UMODL1: variants seen among roughly 807,000 people sequenced by gnomAD.
UMODL1 encodes the protein uromodulin like 1.
Under a neutral mutation model 136.3 loss-of-function variants are expected in UMODL1, and 128 were observed. The observed-to-expected ratio is 0.94, with a 90% CI of 0.81 to 1.09. The LOEUF (loss-of-function observed/expected upper bound fraction) is 1.09. Among genes scored for constraint, UMODL1 ranks in the 50% least tolerant of loss-of-function variants. The pLI, the probability that UMODL1 is intolerant of heterozygous loss-of-function variation, is 0.00. For synonymous variants in UMODL1, 721 were observed against 720.0 expected (o/e 1.00, Z -0.02); for missense variants, 1,766 against 1,725.6 (o/e 1.02, Z -0.41).
At position 42,109,581 on chromosome 21, in the gene UMODL1, C is replaced by T. The variant is rs2066785822; in HGVS notation, c.1539C>T (p.Asp513=). 7 of 1,611,634 alleles carry T rather than the reference C, an allele frequency of 4.3e-6. No homozygotes were observed. Among genetic ancestry groups the T allele is most frequent in the Middle Eastern group, 1.6e-4 (1 of 6,062 alleles). ...TGGCAGACTGGGACGAGTGTGTGGA[C>T]AGCGCGGAACACGACTGCTCACCGG... ...TRVQDWDECV[D]SAEHDCSPAA... The change falls in exon 10 of 23, where the codon GAC becomes GAT. Residue 513 remains aspartate, a synonymous_variant. Transcript: ENST00000408910.
intron 1 of UMODL1, among the ~76,000 whole-genome samples, chr21:42,065,411 C>T (rs577849685): frequency 2.0e-5 from 3 of 152,288 alleles, no homozygotes; most frequent in South Asian, 4.1e-4. Context: ...TGGTCTGACC[C>T]GTCCTAAGAG....
At chr21:42,094,520 A>C (rs980484087) in intron 6 of UMODL1, among the ~76,000 whole-genome samples, 1 of 152,182 alleles carries the variant, frequency 6.6e-6, no homozygotes, top group African/African-American at 2.4e-5. Context: ...GCCTTGGGTC[A>C]TACAAACCCA....
chr21:42,087,744 G>A (rs1192181914), intron 4 of UMODL1, among the ~76,000 whole-genome samples: 1 of 152,140 alleles, frequency 6.6e-6, no homozygotes, highest in Non-Finnish European at 1.5e-5. Context: ...ACCACAGACT[G>A]GGGGCTTCAA....
In UMODL1 at chr21:42,123,286, T is replaced by C; in HGVS notation, c.3147+136T>C. ...CCAGCAAGGGGGGTTCAGGACAGGG[T>C]TGAGTTCTCAACCAGGGACCAGCCT... On this transcript the variant is annotated intron_variant, in intron 17 of 22. Transcript: ENST00000408910. The surrounding 1 kb of genome is among the most constrained non-coding windows in gnomAD (Gnocchi z 4.4). 2 of 1,060,800 alleles carry C rather than the reference T, an allele frequency of 1.9e-6. No homozygotes were observed. The highest frequency in any genetic ancestry group is 2.6e-6 in the Non-Finnish European group (2 of 756,540). The allele number at this position is 1,060,800 out of a possible 1,614,324, so 65.7% of individuals were successfully genotyped here.
At chr21:42,076,392 T>C (rs2066292127) in intron 2 of UMODL1, 145 bp downstream of exon 2, 22 of 1,316,972 alleles carry the variant, frequency 1.7e-5, no homozygotes, top group Middle Eastern at 2.6e-4. Flanking sequence ...CAGCAGGTCA[T>C]CGGCAGGGCT....
intron 8 of UMODL1, 180 bp from the exon 9 acceptor site, chr21:42,103,688 C>G: frequency 2.6e-6 from 2 of 769,704 alleles, no homozygotes; most frequent in Non-Finnish European, 4.6e-6. Flanking sequence ...CAGGGAAAGC[C>G]CAGCTAAGGT....
In UMODL1 at chr21:42,065,662, C is replaced by T. The variant is rs566534997; in HGVS notation, c.-141+2448C>T. ...AAGCGATTCTCCTGCCTCAGCCTCC[C>T]GAGTAGCTGGGATTACAGGCATGCA... On this transcript the variant is annotated intron_variant, in intron 1 of 22. Transcript: ENST00000400424. Among the ~76,000 whole-genome samples, 15 of 152,196 alleles carry T rather than the reference C, an allele frequency of 9.9e-5. No individual in the cohort carries two copies. The East Asian group carries it at 1.2e-3, about 12-fold the overall frequency.
chr21:42,071,270 C>A (rs1396193530), upstream of UMODL1: 4 of 1,471,156 alleles, frequency 2.7e-6, no homozygotes, highest in Non-Finnish European at 3.6e-6. Flanking sequence ...GAGACCCAGG[C>A]TTCTTGGTAG....
intron 22 of UMODL1, among the ~76,000 whole-genome samples, chr21:42,141,290 G>A (rs1181259413): frequency 6.6e-6 from 1 of 152,220 alleles, no homozygotes; most frequent in Non-Finnish European, 1.5e-5. Context: ...TTCTGCCCAT[G>A]TGAGGGGGAT....
chr21:42,103,685 A>G (rs1203515726), intron 8 of UMODL1, 183 bp from the exon 9 acceptor site: 1 of 755,760 alleles, frequency 1.3e-6, no homozygotes, highest in Admixed American at 2.0e-5. Context: ...TCCCAGGGAA[A>G]GCCCAGCTAA....
intron 12 of UMODL1, 73 bp from the exon 13 acceptor site, chr21:42,113,500 G>T: frequency 6.5e-7 from 1 of 1,532,164 alleles, no homozygotes. Context: ...TTTGATTTTT[G>T]GCATTGGGCG....
intron 18 of UMODL1, 54 bp from the exon 19 acceptor site, chr21:42,126,952 C>T (rs2067064051): frequency 2.8e-6 from 4 of 1,417,708 alleles, no homozygotes; most frequent in East Asian, 2.3e-5. Context: ...ATGGGAGGGG[C>T]CACGATAATG....
chr21:42,090,465 A>G, intron 6 of UMODL1, 27 bp downstream of exon 6: 3 of 1,612,072 alleles, frequency 1.9e-6, no homozygotes, highest in South Asian at 2.2e-5. Context: ...CTCAGATGGC[A>G]TGGGAATGGC....
rs367792131 is a variant in UMODL1, at chr21:42,113,620, G to T, written c.2152G>T (p.Gly718Cys). The change falls in exon 13 of 23, where the codon GGC (glycine) becomes TGC (cysteine). Residue 718 changes from glycine (G) to cysteine (C), a missense_variant. Coordinates refer to ENST00000408910, the MANE Select transcript of UMODL1 (RefSeq NM_001004416.3). ...RIMVSNVTST[G>C]FHLAWEADLA... ...CATGGTCTCCAATGTGACCAGCACCGGCTTCCACCTGGCATGGGAGGCGGA... is the reference window on the plus strand; with the variant it reads ...CATGGTCTCCAATGTGACCAGCACCTGCTTCCACCTGGCATGGGAGGCGGA... 7 of 1,614,068 alleles carry T rather than the reference G, an allele frequency of 4.3e-6. No individual in the cohort carries two copies. The highest frequency in any genetic ancestry group is 5.9e-6 in the Non-Finnish European group (7 of 1,180,024).
chr21:42,064,544 A>ATTTC (rs1168992166), intron 1 of UMODL1, among the ~76,000 whole-genome samples: 2 of 152,138 alleles, frequency 1.3e-5, no homozygotes, highest in East Asian at 1.9e-4. Flanking sequence ...AGAATCACAA[A>ATTTC]TTTCTTTCTT....
chr21:42,115,998 T>C lies in UMODL1; in HGVS notation c.2475+13T>C, dbSNP rs1424003131. 15 of 1,598,638 alleles carry C rather than the reference T, an allele frequency of 9.4e-6. No individual in the cohort carries two copies. Among genetic ancestry groups the C allele is most frequent in the Non-Finnish European group, 1.3e-5 (15 of 1,166,688 alleles). ...ATTCTTCAGGATGGTGAGTTGGTGA[T>C]ATCAGCCCTTAATTCCTTTCAGGAG... On this transcript the variant is annotated intron_variant, in intron 14 of 22. Coordinates refer to ENST00000408910, the MANE Select transcript of UMODL1 (RefSeq NM_001004416.3).
chr21:42,119,232 A>C lies in UMODL1; in HGVS notation c.2597A>C (p.Asp866Ala). Residue 866 changes from aspartate (D) to alanine (A), a missense_variant, in exon 15 of 23, where the codon GAT becomes GCT. Asp to Ala is a moderately radical substitution (Grantham distance 126, BLOSUM62 -2). Transcript: ENST00000408910. ...VVEFHLLIIA[D>A]VDVQEVSAAF... The stretch of plus-strand genomic sequence containing the variant: ...GAGTTTCACTTGCTGATAATCGCAG[A>C]TGTGGATGTCCAGGAGGTGTCAGCT... 1.2e-6 allele frequency: 2 copies of C among 1,614,206 alleles called. No individual in the cohort carries two copies. The highest frequency in any genetic ancestry group is 4.5e-5 in the East Asian group (2 of 44,884).
At chr21:42,129,114 T>C (rs1010809507) in intron 20 of UMODL1, among the ~76,000 whole-genome samples, 16 of 151,928 alleles carry the variant, frequency 1.1e-4, no homozygotes, top group African/African-American at 3.9e-4. Context: ...TGTGTCCAAA[T>C]TTCCCCTTTA....
chr21:42,108,530 GA>G (rs1912559315), intron 9 of UMODL1: 1 of 387,900 alleles, frequency 2.6e-6, no homozygotes, highest in South Asian at 1.9e-5. Flanking sequence ...TCTTTGCCCA[GA>G]ACTGAACTGG....
Sources: gnomAD v4.1 joint callset for allele counts (sites outside exome capture counted in the v4.1 genomes callset) on GRCh38, gnomAD v4.1.1 for gene constraint, Gnocchi (gnomAD v3.1) non-coding constraint, MANE v1.5 for transcripts, NCBI Gene and HGNC (gene_info 2026-07-23, HGNC 2026-07-21) for gene names.